Variants in SLC4A4 observed in about 807,000 individuals in gnomAD.
The protein encoded by SLC4A4 is electrogenic sodium bicarbonate cotransporter 1.
A neutral mutation model predicts 111.5 loss-of-function variants in SLC4A4; 27 were observed. The observed-to-expected ratio is 0.24, with a 90% CI of 0.18 to 0.33. SLC4A4 has a LOEUF of 0.33. Ranked by LOEUF, SLC4A4 falls within the 10% of genes least tolerant of loss-of-function variation. SLC4A4 has a pLI of 1.00. For synonymous variants in SLC4A4, 443 were observed against 463.4 expected (o/e 0.96, Z 0.57); for missense variants, 909 against 1,315.5 (o/e 0.69, Z 4.78).
At chr4:71,081,447 GT>G (rs1741990864) in intron 1 of SLC4A4, among the ~76,000 whole-genome samples, 1 of 152,162 alleles carries the variant, frequency 6.6e-6, no homozygotes, top group Non-Finnish European at 1.5e-5. Flanking sequence ...CACTGCAGCT[GT>G]GCTGGTGCTG....
At chr4:71,136,058 A>AT (rs1743834680) in intron 2 of SLC4A4, among the ~76,000 whole-genome samples, 1 of 152,208 alleles carries the variant, frequency 6.6e-6, no homozygotes, top group Admixed American at 6.5e-5. Context: ...GAGCTTAAAC[A>AT]TTCTTTTCCC....
Position 71,204,860 on chromosome 4 carries a change from A to G in SLC4A4, c.-2+17459A>G, listed in dbSNP as rs906414032. On this transcript the variant is annotated intron_variant, in intron 1 of 25. Coordinates refer to ENST00000264485, the MANE Select transcript of SLC4A4 (RefSeq NM_001098484.3). ...TGACATATATTGAGGATGAACTTAT[A>G]TAAAACAACTAGAGAACAAGAAAGA... 3.3e-5 allele frequency among the ~76,000 whole-genome samples: 5 copies of G among 152,206 alleles called. No homozygotes were observed. The South Asian group carries it at 1.0e-3, about 32-fold the overall frequency.
At chr4:71,348,562 G>A (rs1388047568) in intron 4 of SLC4A4, among the ~76,000 whole-genome samples, 3 of 152,154 alleles carry the variant, frequency 2.0e-5, no homozygotes, top group Non-Finnish European at 4.4e-5. Context: ...GTTGATACAA[G>A]GTTACCACTA....
At position 71,542,028 on chromosome 4, in the gene SLC4A4, G is replaced by A. The variant is rs562052993; in HGVS notation, c.2443-4322G>A. ...AGTGGCTTGTTTTTATGCATATATA[G>A]GTGGTTTTGCAGAAACAACTTCTCT... On this transcript the variant is annotated intron_variant, in intron 18 of 25. Coordinates refer to ENST00000264485, the MANE Select transcript of SLC4A4 (RefSeq NM_001098484.3). Among the ~76,000 whole-genome samples the A allele has an allele frequency of 1.6e-4, 24 of 152,042 alleles. No homozygotes were observed. The South Asian group carries it at 4.8e-3, about 30-fold the overall frequency.
intron 6 of SLC4A4, among the ~76,000 whole-genome samples, chr4:71,379,696 C>T (rs887437750): frequency 8.5e-5 from 13 of 152,116 alleles, no homozygotes; most frequent in Admixed American, 2.0e-4. Context: ...TAATGTCACA[C>T]GCTTAGACAA....
At chr4:71,116,818 C>G (rs949984511) in intron 2 of SLC4A4, among the ~76,000 whole-genome samples, 1 of 152,106 alleles carries the variant, frequency 6.6e-6, no homozygotes, top group African/African-American at 2.4e-5. Context: ...TGGCACATGC[C>G]TGTAATCCCA....
chr4:71,248,408 A>G (rs1265143314), intron 2 of SLC4A4, among the ~76,000 whole-genome samples: 2 of 150,564 alleles, frequency 1.3e-5, no homozygotes, highest in East Asian at 1.9e-4. Context: ...AGATAGATAT[A>G]TAGATATTTG....
At position 71,555,938 on chromosome 4, in the gene SLC4A4, T is replaced by C. The variant is rs372464210; in HGVS notation, c.2763+730T>C. On this transcript the variant is annotated intron_variant, in intron 21 of 25. Coordinates refer to ENST00000264485, the MANE Select transcript of SLC4A4 (RefSeq NM_001098484.3). ...GTCTTTCAATTGGGTTTTAATTAAA[T>C]TGGCACCAGGAAACTGGAAGTACTT... 1.3e-4 allele frequency among the ~76,000 whole-genome samples: 19 copies of C among 151,932 alleles called. No individual in the cohort carries two copies. The East Asian group carries it at 1.6e-3, about 12-fold the overall frequency.
At chr4:71,216,150 C>T (rs1287484384) in intron 1 of SLC4A4, among the ~76,000 whole-genome samples, 1 of 152,046 alleles carries the variant, frequency 6.6e-6, no homozygotes, top group African/African-American at 2.4e-5. Flanking sequence ...CTCAAGTGAT[C>T]CACCCACCTT....
intron 18 of SLC4A4, 140 bp downstream of exon 18, chr4:71,534,528 C>A: frequency 1.4e-6 from 1 of 723,798 alleles, no homozygotes; most frequent in South Asian, 1.6e-5. Context: ...AACCAGAGAT[C>A]ACTTTGTATT....
chr4:71,279,717 C>T (rs1464542982), intron 3 of SLC4A4, among the ~76,000 whole-genome samples: 1 of 152,150 alleles, frequency 6.6e-6, no homozygotes, highest in Non-Finnish European at 1.5e-5. Context: ...TCTATAATGG[C>T]TGTCTAATTT....
intron 2 of SLC4A4, among the ~76,000 whole-genome samples, chr4:71,150,754 C>T (rs546027647): frequency 7.2e-5 from 11 of 152,096 alleles, no homozygotes; most frequent in Non-Finnish European, 1.0e-4. Context: ...TGGCAGCTTG[C>T]GGTCCTTAAG....
intron 21 of SLC4A4, among the ~76,000 whole-genome samples, chr4:71,555,879 C>G (rs1188575170): frequency 2.6e-5 from 4 of 151,780 alleles, no homozygotes; most frequent in Admixed American, 2.6e-4. Flanking sequence ...TTTAAAAAAA[C>G]CAAATCATTA....
chr4:71,164,816 C>T (rs1349027723), intron 2 of SLC4A4, among the ~76,000 whole-genome samples: 1 of 151,980 alleles, frequency 6.6e-6, no homozygotes, highest in Non-Finnish European at 1.5e-5. Flanking sequence ...TGACAAAGGG[C>T]TAATATCCAG....
At chr4:71,377,986 A>G (rs931707874) in intron 6 of SLC4A4, among the ~76,000 whole-genome samples, 2 of 152,142 alleles carry the variant, frequency 1.3e-5, no homozygotes, top group Admixed American at 6.5e-5. Context: ...AATGAGGAAT[A>G]AGCAAAAGCA....
At chr4:71,474,009 C>A (rs1032203444) in intron 14 of SLC4A4, among the ~76,000 whole-genome samples, 1 of 150,774 alleles carries the variant, frequency 6.6e-6, no homozygotes, top group Non-Finnish European at 1.5e-5. Context: ...GAGACCAGTC[C>A]GGGCAACATT....
chr4:71,363,823 C>T (rs1731015032), intron 6 of SLC4A4, among the ~76,000 whole-genome samples: 1 of 152,134 alleles, frequency 6.6e-6, no homozygotes, highest in African/African-American at 2.4e-5. Flanking sequence ...AAGCTCTTTC[C>T]CACCTGAGAA....
chr4:71,480,006 C>CA (rs1290672553), intron 14 of SLC4A4, among the ~76,000 whole-genome samples: 1 of 136,958 alleles, frequency 7.3e-6, no homozygotes, highest in Non-Finnish European at 1.6e-5. Flanking sequence ...AAATTGGGGA[C>CA]AAAATATGCC....
intron 3 of SLC4A4, among the ~76,000 whole-genome samples, chr4:71,334,350 A>G (rs1322267335): frequency 2.0e-5 from 3 of 152,046 alleles, no homozygotes; most frequent in Admixed American, 6.6e-5. Context: ...GACTCTGCCT[A>G]GTATCTTAAC....
Sources: allele counts gnomAD v4.1 joint callset (sites outside exome capture counted in the v4.1 genomes callset), GRCh38; gene constraint gnomAD v4.1.1; transcripts MANE v1.5; gene names NCBI Gene and HGNC (gene_info 2026-07-23, HGNC 2026-07-21).